The following CCNL2 variants were observed in gnomAD, a reference collection of about 807,000 sequenced individuals.
CCNL2 encodes cyclin-L2.
In CCNL2, 28 loss-of-function variants were observed where a neutral mutation model predicts 59.1. That is an observed-to-expected ratio of 0.47 (90% CI 0.35 to 0.65). The LOEUF (loss-of-function observed/expected upper bound fraction) is 0.65, where lower values mean the gene tolerates loss of function less well. CCNL2 is among the 30% of genes least tolerant of loss of function. CCNL2 has a pLI of 0.00. For synonymous variants in CCNL2, 342 were observed against 288.6 expected (o/e 1.19, Z -1.88); for missense variants, 714 against 717.4 (o/e 1.00, Z 0.05).
chr1:1,391,696 G>A (rs1327667404), intron 5 of CCNL2: 1 of 523,518 alleles, frequency 1.9e-6, no homozygotes, highest in Non-Finnish European at 3.0e-6. Context: ...ATATTTAGAA[G>A]CTATAAACAT....
rs757513204 is a variant in CCNL2 at position 1,387,304 on chromosome 1, C to T, written c.1490G>A (p.Arg497His). 3.7e-6 allele frequency: 6 copies of T among 1,613,564 alleles called. No individual in the cohort carries two copies. Among genetic ancestry groups the T allele is most frequent in the African/African-American group, 2.7e-5 (2 of 74,942 alleles). ...GCCTGTGCGTTCATACGACCTCGAG[C>T]GCTCTCGTCGCTGATCTCTGTAGTA... is the stretch of plus-strand genomic sequence containing the variant. ...SHYYRDQRRE[R>H]SRSYERTGRR... The change falls in exon 11 of 11, where the codon CGC (arginine) becomes CAC (histidine). Residue 497 changes from arginine to histidine, a missense_variant. Transcript: ENST00000400809.
chr1:1,387,746 CG>C, intron 10 of CCNL2, 30 bp downstream of exon 10: 1 of 1,550,984 alleles, frequency 6.4e-7, no homozygotes, highest in Non-Finnish European at 8.8e-7. Context: ...ACCCCGGTAT[CG>C]GCCTCCTGGG....
chr1:1,396,586 T>TCTTTTC (rs1218930325), intron 3 of CCNL2, among the ~76,000 whole-genome samples: 1 of 142,816 alleles, frequency 7.0e-6, no homozygotes, highest in Non-Finnish European at 1.5e-5. Context: ...TTTTTTTTTT[T>TCTTTTC]TTTTTTTTTT....
chr1:1,394,172 TA>T (rs1644891702), intron 4 of CCNL2, among the ~76,000 whole-genome samples: 1 of 147,510 alleles, frequency 6.8e-6, no homozygotes, highest in African/African-American at 2.5e-5. Context: ...AATTTGTGGA[TA>T]ATTTGAACAG....
chr1:1,394,611 G>A (rs1216661717), intron 4 of CCNL2, among the ~76,000 whole-genome samples: 1 of 152,024 alleles, frequency 6.6e-6, no homozygotes, highest in Non-Finnish European at 1.5e-5. Context: ...TTACCCAGGT[G>A]TGGTGGCGCA....
chr1:1,392,579 C>T, intron 5 of CCNL2: 1 of 1,419,558 alleles, frequency 7.0e-7, no homozygotes, highest in Non-Finnish European at 9.2e-7. Context: ...GTTACCAACT[C>T]TAATCAATAC....
rs577309284 is a variant in CCNL2, at chr1:1,387,198, G to A, written c.*33C>T. The A allele has an allele frequency of 5.5e-4, 862 of 1,562,046 alleles. 12 individuals carry two copies. In the South Asian group the frequency reaches 9.3e-3, roughly 17 times the overall value. On this transcript the variant is annotated 3_prime_UTR_variant, in exon 11 of 11. Coordinates refer to ENST00000400809, the MANE Select transcript of CCNL2 (RefSeq NM_030937.6). ...CAGCCATCAGGTACTCCCCAGGGAAGGGCTTGCGGCCACCAGTCACTGCAA... is the reference window on the plus strand; with the variant it reads ...CAGCCATCAGGTACTCCCCAGGGAAAGGCTTGCGGCCACCAGTCACTGCAA...
At chr1:1,390,068 C>T (rs925756554) in intron 8 of CCNL2, among the ~76,000 whole-genome samples, 162 bp downstream of exon 8, 12 of 147,560 alleles carry the variant, frequency 8.1e-5, no homozygotes, top group African/African-American at 1.8e-4. Context: ...CAGTGAGCTG[C>T]GATCACACCA....
chr1:1,395,224 A>G, intron 4 of CCNL2, 170 bp downstream of exon 4: 1 of 597,616 alleles, frequency 1.7e-6, no homozygotes, highest in African/African-American at 1.8e-5. Context: ...CTGACACTAG[A>G]AGACGAATAC....
rs1019817590 is a variant in CCNL2, at chr1:1,398,675, G to A, written c.289-4C>T. ...CCTGCCCGGTAGCCATGGCCACCTAGAGTAGAAGAAAGTTTCCGTATTTTC... is the reference window on the plus strand; with the variant it reads ...CCTGCCCGGTAGCCATGGCCACCTAAAGTAGAAGAAAGTTTCCGTATTTTC... On this transcript the variant is annotated splice_region_variant and splice_polypyrimidine_tract_variant and intron_variant, in intron 1 of 10. Transcript: ENST00000400809. 7.5e-6 allele frequency: 11 copies of A among 1,459,306 alleles called. No homozygotes were observed. Among genetic ancestry groups the A allele is most frequent in the Non-Finnish European group, 1.0e-5 (11 of 1,084,360 alleles). 90.4% of individuals were successfully genotyped at this position (1,459,306 alleles called of 1,614,324 possible).
rs374357946 is a variant in CCNL2, at chr1:1,390,567, T to C, written c.760-4A>G. ...GGGGACGATTGGGCAAAGGGATCTG[T>C]AAAAACAAACACTATCATCATTACA... On this transcript the variant is annotated splice_polypyrimidine_tract_variant and splice_region_variant and intron_variant, in intron 6 of 10. Coordinates refer to ENST00000400809, the MANE Select transcript of CCNL2 (RefSeq NM_030937.6). 6.2e-7 allele frequency: 1 copy of C among 1,607,830 alleles called. No homozygotes were observed. Among genetic ancestry groups the C allele is most frequent in the African/African-American group, 1.3e-5 (1 of 74,578 alleles).
Position 1,387,763 on chromosome 1 carries a change from CCT to C in CCNL2, c.1211+12_1211+13del, listed in dbSNP as rs35654872. On this transcript the variant is annotated intron_variant, in intron 10 of 10. Coordinates refer to ENST00000400809, the MANE Select transcript of CCNL2 (RefSeq NM_030937.6). Reference sequence around the variant, plus strand: ...CCCGGTATCGGCCTCCTGGGTGCGCCCTGAGGCACACACCTCCTCTTAGGAGA... The same window carrying C: ...CCCGGTATCGGCCTCCTGGGTGCGCCGAGGCACACACCTCCTCTTAGGAGA... 0.72 allele frequency: 1,155,107 copies of C among 1,604,414 alleles called. 450,294 individuals are homozygous for C. Among genetic ancestry groups the C allele is most frequent in the Non-Finnish European group, 0.82 (957,873 of 1,174,674 alleles).
chr1:1,395,356 G>A, intron 4 of CCNL2, 38 bp downstream of exon 4: 1 of 1,610,544 alleles, frequency 6.2e-7, no homozygotes, highest in East Asian at 2.2e-5. Context: ...AGGAGCAGCG[G>A]CCTAGGCGGG....
At chr1:1,390,891 G>A (rs1644728812) in intron 5 of CCNL2, 26 bp from the exon 6 acceptor site, 1 of 1,584,502 alleles carries the variant, frequency 6.3e-7, no homozygotes, top group Non-Finnish European at 8.7e-7. Context: ...AGGAAGAACT[G>A]CAATGCCCCA....
At position 1,387,320 on chromosome 1, in the gene CCNL2, C is replaced by T; in HGVS notation, c.1474G>A (p.Asp492Asn). 6.2e-7 allele frequency: 1 copy of T among 1,614,060 alleles called. No individual in the cohort carries two copies. The highest frequency in any genetic ancestry group is 1.3e-5 in the African/African-American group (1 of 75,062). ...KYKKKSHYYR[D>N]QRRERSRSYE... is the part of the protein sequence containing the mutation. ...GACCTCGAGCGCTCTCGTCGCTGATCTCTGTAGTAATGACTTTTCTTCTTG... is the reference window on the plus strand; with the variant it reads ...GACCTCGAGCGCTCTCGTCGCTGATTTCTGTAGTAATGACTTTTCTTCTTG... Residue 492 changes from aspartate to asparagine, a missense_variant, in exon 11 of 11, where the codon GAT (aspartate) becomes AAT (asparagine). By Grantham distance (23) the Asp-to-Asn change is conservative (BLOSUM62 1). This residue lies in a region of CCNL2 where 403 missense variants were observed against 377.7 expected (regional missense o/e 1.07). Transcript: ENST00000400809.
At position 1,387,998 on chromosome 1, in the gene CCNL2, C is replaced by A. The variant is rs1445144547; in HGVS notation, c.1074G>T (p.Arg358Ser). The change falls in exon 9 of 11, where the codon AGG becomes AGT. Residue 358 changes from arginine (R) to serine (S), a missense_variant. Arg to Ser is a moderately radical substitution (Grantham distance 110). This residue lies in a region of CCNL2 where 403 missense variants were observed against 377.7 expected (regional missense o/e 1.07). Transcript: ENST00000400809. ...CCTTGGCTTTCTTGGCGCCCTCCAG[C>A]CTCCTCTTGGTGTTCTTCACAGACA... is the stretch of plus-strand genomic sequence containing the variant. ...SPLSVKNTKR[R>S]LEGAKKAKAD... The A allele has an allele frequency of 6.2e-7, 1 of 1,614,002 alleles. No homozygotes were observed. Among genetic ancestry groups the A allele is most frequent in the Non-Finnish European group, 8.5e-7 (1 of 1,180,060 alleles).
At chr1:1,391,046 T>C in intron 5 of CCNL2, 181 bp from the exon 6 acceptor site, 1 of 1,002,006 alleles carries the variant, frequency 1.0e-6, no homozygotes. Context: ...TAGCTGCTTT[T>C]TCTAAATACA....
At chr1:1,398,370 ATGT>A in intron 2 of CCNL2, 28 bp from the exon 3 acceptor site, 1 of 1,613,636 alleles carries the variant, frequency 6.2e-7, no homozygotes, top group Non-Finnish European at 8.5e-7. Flanking sequence ...CAACACGCCC[ATGT>A]TTGTCCCCAG....
chr1:1,390,133 A>AT, intron 8 of CCNL2, 97 bp downstream of exon 8: 1 of 1,121,440 alleles, frequency 8.9e-7, no homozygotes, highest in Non-Finnish European at 1.3e-6. Flanking sequence ...AAAAAAAAAA[A>AT]TGTCTGGAAG....
Sources: allele counts gnomAD v4.1 joint callset (sites outside exome capture counted in the v4.1 genomes callset), GRCh38; gene constraint gnomAD v4.1.1; regional missense constraint gnomAD v4.1.1; transcripts MANE v1.5; gene names NCBI Gene and HGNC (gene_info 2026-07-23, HGNC 2026-07-21).